Variants in CDH11 observed in about 807,000 individuals in gnomAD.
CDH11 encodes cadherin-11.
Under a neutral mutation model 67.8 loss-of-function variants are expected in CDH11, and 11 were observed. The observed-to-expected ratio is 0.16, with a 90% confidence interval of 0.10 to 0.27. The LOEUF (loss-of-function observed/expected upper bound fraction) is 0.27, where lower values mean the gene tolerates loss of function less well. Ranked by LOEUF, CDH11 falls within the 10% of genes least tolerant of loss-of-function variation. The pLI, the probability that CDH11 is intolerant of heterozygous loss-of-function variation, is 1.00. For missense variants in CDH11, 847 were observed against 1,031.2 expected, an observed-to-expected ratio of 0.82 and a Z score of 2.45; for synonymous variants, 419 against 400.0, an observed-to-expected ratio of 1.05 and a Z score of -0.57.
intron 3 of CDH11, among the ~76,000 whole-genome samples, chr16:65,003,859 A>G (rs1354660595): frequency 6.6e-6 from 1 of 152,182 alleles, no homozygotes; most frequent in Non-Finnish European, 1.5e-5. Context: ...CACAAGGATG[A>G]CACTGCCCTT....
At chr16:65,091,594 C>T (rs945032036) in intron 1 of CDH11, among the ~76,000 whole-genome samples, 4 of 150,694 alleles carry the variant, frequency 2.7e-5, no homozygotes, top group Admixed American at 6.6e-5. Context: ...CTCTGTGGCC[C>T]GGGCTGGAGT....
chr16:65,044,989 T>A (rs1353750142), intron 2 of CDH11, among the ~76,000 whole-genome samples: 7 of 152,036 alleles, frequency 4.6e-5, no homozygotes, highest in Admixed American at 4.6e-4. Flanking sequence ...GGGGCTTGTG[T>A]GGGCACCGGT....
rs944177036 is a variant in CDH11 at position 65,105,676 on chromosome 16, C to A, written c.-298+16204G>T. Reference sequence around the variant, plus strand: ...CAGGTAGAGTTGATATTTTCAAGATCTCTCTGCTTTGCATCCAAATCAGCC... The same window carrying A: ...CAGGTAGAGTTGATATTTTCAAGATATCTCTGCTTTGCATCCAAATCAGCC... On this transcript the variant is annotated intron_variant, in intron 1 of 12. Transcript: ENST00000268603. 3.9e-5 allele frequency among the ~76,000 whole-genome samples: 6 copies of A among 152,274 alleles called. No individual in the cohort carries two copies. In the East Asian group the frequency reaches 1.2e-3, roughly 29 times the overall value.
chr16:65,103,864 TTATAA>T (rs2075029609), intron 1 of CDH11, among the ~76,000 whole-genome samples: 1 of 152,180 alleles, frequency 6.6e-6, no homozygotes, highest in African/African-American at 2.4e-5. Flanking sequence ...TTATATTATG[TTATAA>T]TATGTTGTAT....
chr16:65,098,646 A>G (rs2074939277), intron 1 of CDH11, among the ~76,000 whole-genome samples: 1 of 152,118 alleles, frequency 6.6e-6, no homozygotes, highest in African/African-American at 2.4e-5. Flanking sequence ...GATTACAGGC[A>G]TGAGATACCA....
intron 1 of CDH11, among the ~76,000 whole-genome samples, chr16:65,102,427 G>A (rs1023145542): frequency 6.6e-6 from 1 of 152,150 alleles, no homozygotes; most frequent in Non-Finnish European, 1.5e-5. Context: ...TCCCTCTTGG[G>A]AAACCTGTGG....
intron 2 of CDH11, among the ~76,000 whole-genome samples, chr16:65,021,054 T>C (rs758227585): frequency 9.2e-5 from 14 of 152,102 alleles, no homozygotes; most frequent in Non-Finnish European, 1.9e-4. Flanking sequence ...TTACCCCTCA[T>C]TGGGAGGTGG....
At chr16:65,105,992 C>T (rs1032916271) in intron 1 of CDH11, among the ~76,000 whole-genome samples, 1 of 152,178 alleles carries the variant, frequency 6.6e-6, no homozygotes, top group African/African-American at 2.4e-5. Flanking sequence ...GTTTGGGGGC[C>T]TCTTTGCCAG....
chr16:65,007,492 C>A (rs1567524377), intron 2 of CDH11, among the ~76,000 whole-genome samples: 2 of 152,080 alleles, frequency 1.3e-5, no homozygotes, highest in African/African-American at 4.8e-5. Context: ...TCTAGAAAGC[C>A]AAACCGACTG....
chr16:65,070,957 G>C (rs1008561951), intron 1 of CDH11, among the ~76,000 whole-genome samples: 1 of 152,194 alleles, frequency 6.6e-6, no homozygotes, highest in Non-Finnish European at 1.5e-5. Context: ...GATCAGCAGA[G>C]GCAAGAGCCA....
At chr16:64,979,777 A>C (rs981653223) in intron 8 of CDH11, among the ~76,000 whole-genome samples, 2 of 152,222 alleles carry the variant, frequency 1.3e-5, no homozygotes, top group African/African-American at 4.8e-5. Flanking sequence ...AGGAATGTTC[A>C]GCATTATCTG....
Position 64,947,925 on chromosome 16 carries a change from A to C in CDH11, c.2069T>G (p.Phe690Cys). 1 of 1,614,110 alleles carries C rather than the reference A, an allele frequency of 6.2e-7. No individual in the cohort carries two copies. The highest frequency in any genetic ancestry group is 8.5e-7 in the Non-Finnish European group (1 of 1,180,026). ...AGGTTTGATGTCTTTGCGGGGGATAAATCCATTGATACCATCAGGATTCTG... is the reference window on the plus strand; with the variant it reads ...AGGTTTGATGTCTTTGCGGGGGATACATCCATTGATACCATCAGGATTCTG... ...TLQNPDGING[F>C]IPRKDIKPEY... Residue 690 changes from phenylalanine to cysteine, a missense_variant, in exon 13 of 13, where the codon TTT (phenylalanine) becomes TGT (cysteine). Around this residue, in one of 2 missense-constraint regions of CDH11, gnomAD observed 612 missense variants for 678.7 expected, o/e 0.90. Coordinates refer to ENST00000268603, the MANE Select transcript of CDH11 (RefSeq NM_001797.4).
rs566050930 is a variant in CDH11, at chr16:64,982,071, A to G, written c.1230T>C (p.Pro410=). 1.9e-6 allele frequency: 3 copies of G among 1,613,438 alleles called. No homozygotes were observed. The African/African-American group carries it at 4.0e-5, about 22-fold the overall frequency. Residue 410 remains proline, a synonymous_variant, in exon 8 of 13, where the codon CCT becomes CCC. Coordinates refer to ENST00000268603, the MANE Select transcript of CDH11 (RefSeq NM_001797.4). ...ACCTTATCGGGCTGTTGGCAGCATC[A>G]GGGTCTTTGGCATGCACTCTCCCAA... ...TVVGRVHAKD[P]DAANSPIRYS... is the part of the protein sequence containing the mutation.
chr16:65,050,794 G>C (rs983546492), intron 2 of CDH11, among the ~76,000 whole-genome samples: 2 of 144,396 alleles, frequency 1.4e-5, no homozygotes, highest in Non-Finnish European at 3.0e-5. Flanking sequence ...TAATTTCCAG[G>C]TTAAAAAAAA....
intron 1 of CDH11, among the ~76,000 whole-genome samples, chr16:65,101,015 G>A (rs958942728): frequency 6.6e-6 from 1 of 152,106 alleles, no homozygotes; most frequent in Non-Finnish European, 1.5e-5. Flanking sequence ...ATTGTCAAAG[G>A]TGAAAAATCT....
At chr16:64,994,013 C>A (rs1178506287) in intron 4 of CDH11, among the ~76,000 whole-genome samples, 1 of 152,104 alleles carries the variant, frequency 6.6e-6, no homozygotes, top group Non-Finnish European at 1.5e-5. Context: ...AAGTCTAACC[C>A]CAATCCAGCA....
chr16:64,959,854 G>A (rs1376434073), intron 11 of CDH11, among the ~76,000 whole-genome samples: 9 of 152,204 alleles, frequency 5.9e-5, no homozygotes, highest in Non-Finnish European at 1.3e-4. Flanking sequence ...AGTTCGGGGG[G>A]AAAACAGAAA....
chr16:65,110,546 C>T (rs912113403), intron 1 of CDH11, among the ~76,000 whole-genome samples: 1 of 151,790 alleles, frequency 6.6e-6, no homozygotes, highest in African/African-American at 2.4e-5. Flanking sequence ...GGTTATTTTA[C>T]CACCTCTGTG....
chr16:64,980,022 T>C (rs1311822474), intron 8 of CDH11, among the ~76,000 whole-genome samples: 1 of 152,120 alleles, frequency 6.6e-6, no homozygotes. Context: ...TAGGCAAACA[T>C]ACAGACACAA....
Sources: gnomAD v4.1 joint callset for allele counts (sites outside exome capture counted in the v4.1 genomes callset) on GRCh38, gnomAD v4.1.1 for gene constraint, gnomAD v4.1.1 regional missense constraint, MANE v1.5 for transcripts, NCBI Gene and HGNC (gene_info 2026-07-23, HGNC 2026-07-21) for gene names.